The following SHC2 variants were observed in gnomAD, a reference collection of about 807,000 sequenced individuals.
SHC2 encodes SHC adaptor protein 2, also known as SHC-transforming protein 2.
Under a neutral mutation model 60.6 loss-of-function variants are expected in SHC2, and 62 were observed. The observed-to-expected ratio is 1.02, with a 90% CI of 0.83 to 1.26. SHC2 has a LOEUF of 1.26. SHC2 is among the 50% of genes most tolerant of loss of function. The pLI is 0.00. For synonymous variants in SHC2, 375 were observed against 372.4 expected, an observed-to-expected ratio of 1.01 and a Z score of -0.08; for missense variants, 873 against 822.2, an observed-to-expected ratio of 1.06 and a Z score of -0.76.
chr19:425,148 G>C lies in SHC2; in HGVS notation c.1258C>G (p.Leu420Val), dbSNP rs377321193. 1.4e-6 allele frequency: 2 copies of C among 1,387,382 alleles called. No individual in the cohort carries two copies. Among genetic ancestry groups the C allele is most frequent in the Non-Finnish European group, 1.9e-6 (2 of 1,062,570 alleles). The allele number at this position is 1,387,382 out of a possible 1,614,324, so 85.9% of individuals were successfully genotyped here. ...EEHLYVNTQG[L>V]DAPEPEDSPK... ...CTGTCCTCCGGCTCGGGGGCGTCCA[G>C]ACCCTGGGTGTTGACATACAGGTGC... is the stretch of plus-strand genomic sequence containing the variant. Residue 420 changes from leucine to valine, a missense_variant, in exon 10 of 13, where the codon CTG (leucine) becomes GTG (valine). By Grantham distance (32) the Leu-to-Val change is conservative (BLOSUM62 1). Coordinates refer to ENST00000264554, the MANE Select transcript of SHC2 (RefSeq NM_012435.3). This position sits in a 1 kb window ranked among gnomAD's most constrained non-coding sequence, Gnocchi z 4.1.
rs1250893540 is a variant in SHC2 at position 430,686 on chromosome 19, G to T, written c.1172C>A (p.Thr391Lys). Residue 391 changes from threonine (T) to lysine (K), a missense_variant and splice_region_variant, in exon 9 of 13, where the codon ACA becomes AAA. Transcript: ENST00000264554. Reference protein sequence around the residue: ...SLPWDVGSTGTAPPGDGYVQA... With the variant: ...SLPWDVGSTGKAPPGDGYVQA... ...CTTGCAGCCCCAGCCCATCCTACCT[G>T]TACCGGTGGACCCCACGTCCCATGG... The T allele has an allele frequency of 6.2e-7, 1 of 1,612,656 alleles. No homozygotes were observed. Among genetic ancestry groups the T allele is most frequent in the Non-Finnish European group, 8.5e-7 (1 of 1,179,694 alleles).
chr19:443,673 AATGG>A (rs1419503092), intron 1 of SHC2, among the ~76,000 whole-genome samples: 5 of 28,844 alleles, frequency 1.7e-4, no homozygotes, highest in African/African-American at 4.4e-4. Context: ...TGGGTGGATG[AATGG>A]ATGGATGGAT....
intron 11 of SHC2, among the ~76,000 whole-genome samples, chr19:420,642 A>T (rs1974246273): frequency 6.6e-6 from 1 of 152,244 alleles, no homozygotes; most frequent in Non-Finnish European, 1.5e-5. Flanking sequence ...GAGAGAGAAG[A>T]GAAAAACCTC....
At chr19:418,836 G>A (rs572239384) in intron 12 of SHC2, 87 bp downstream of exon 12, 75 of 1,444,536 alleles carry the variant, frequency 5.2e-5, no homozygotes, top group African/African-American at 4.3e-4. Flanking sequence ...GGAAAGGCAC[G>A]GCACGTGAAC....
chr19:421,170 G>T (rs925927930), intron 11 of SHC2, among the ~76,000 whole-genome samples: 15 of 152,146 alleles, frequency 9.9e-5, no homozygotes, highest in Admixed American at 3.3e-4. Context: ...AGGCCGAGGC[G>T]GGTGGATCAC....
chr19:442,162 A>C (rs554575199), intron 1 of SHC2, among the ~76,000 whole-genome samples: 1 of 152,322 alleles, frequency 6.6e-6, no homozygotes, highest in African/African-American at 2.4e-5. Context: ...GAATGGATGC[A>C]TGATGGGTGG....
intron 1 of SHC2, among the ~76,000 whole-genome samples, chr19:444,109 T>A (rs1974994737): frequency 6.6e-6 from 1 of 151,024 alleles, no homozygotes; most frequent in African/African-American, 2.4e-5. Flanking sequence ...GACAGGTGGA[T>A]GGTTGGATGG....
rs534265969 is a variant in SHC2, at chr19:425,308, C to G, written c.1175-77G>C. 3 of 1,188,452 alleles carry G rather than the reference C, an allele frequency of 2.5e-6. No individual in the cohort carries two copies. Among genetic ancestry groups the G allele is most frequent in the Non-Finnish European group, 3.2e-6 (3 of 933,624 alleles). The allele number at this position is 1,188,452 out of a possible 1,614,324, so 73.6% of individuals were successfully genotyped here. On this transcript the variant is annotated intron_variant, in intron 9 of 12. Transcript: ENST00000264554. The surrounding 1 kb of genome is among the most constrained non-coding windows in gnomAD (Gnocchi z 4.1). ...TCGCAGGGAGCAAGGCGGGGTCCCA[C>G]GAGGAGCTCCCCCGGCCACCACCTG...
intron 11 of SHC2, among the ~76,000 whole-genome samples, chr19:420,778 G>A (rs550156007): frequency 1.3e-5 from 2 of 152,348 alleles, no homozygotes; most frequent in East Asian, 1.9e-4. Context: ...TAGGCCGGGC[G>A]CGGTGGCTCA....
intron 5 of SHC2, 43 bp from the exon 6 acceptor site, chr19:436,474 AC>A: frequency 6.2e-7 from 1 of 1,601,180 alleles, no homozygotes; most frequent in Non-Finnish European, 8.5e-7. Flanking sequence ...TGGGCCCCCC[AC>A]CGGGATTCCC....
intron 9 of SHC2, among the ~76,000 whole-genome samples, chr19:426,907 T>TCCCTGGA (rs1374291954): frequency 6.6e-6 from 1 of 150,520 alleles, no homozygotes; most frequent in Non-Finnish European, 1.5e-5. Context: ...GGTGGAGGAA[T>TCCCTGGA]CCCTGGACCC....
chr19:441,853 C>A lies in SHC2; in HGVS notation c.469-921G>T, dbSNP rs988814027. Among the ~76,000 whole-genome samples, 1 of 152,256 alleles carries A rather than the reference C, an allele frequency of 6.6e-6. No homozygotes were observed. Among genetic ancestry groups the A allele is most frequent in the Non-Finnish European group, 1.5e-5 (1 of 68,052 alleles). ...CCTCAGTTTCTTTAAATGATCAACA[C>A]GCAAACACTTTGACCCTGCAGCTCC... On this transcript the variant is annotated intron_variant, in intron 1 of 12. Coordinates refer to ENST00000264554, the MANE Select transcript of SHC2 (RefSeq NM_012435.3). The surrounding 1 kb of genome is among the most constrained non-coding windows in gnomAD (Gnocchi z 4.9).
At position 424,127 on chromosome 19, in the gene SHC2, C is replaced by T. The variant is rs1227989427; in HGVS notation, c.1309+970G>A. Among the ~76,000 whole-genome samples the T allele has an allele frequency of 2.0e-5, 3 of 152,206 alleles. No homozygotes were observed. The East Asian group carries it at 5.8e-4, about 29-fold the overall frequency. On this transcript the variant is annotated intron_variant, in intron 10 of 12. Coordinates refer to ENST00000264554, the MANE Select transcript of SHC2 (RefSeq NM_012435.3). The surrounding 1 kb of genome is among the most constrained non-coding windows in gnomAD (Gnocchi z 4.5). The stretch of plus-strand genomic sequence containing the variant: ...CTCAGGCAAGGACCCTACCCGGCAG[C>T]TCAGAGCCAACACCTCTCCGTGCTG...
chr19:446,637 T>A lies in SHC2; in HGVS notation c.469-5705A>T, dbSNP rs1045070136. ...TTGTTTTAAGCCCCACAGTTTGTGG[T>A]GGTTTGTGGTGGCAGCCCCGGGACC... On this transcript the variant is annotated intron_variant, in intron 1 of 12. Coordinates refer to ENST00000264554, the MANE Select transcript of SHC2 (RefSeq NM_012435.3). This position sits in a 1 kb window ranked among gnomAD's most constrained non-coding sequence, Gnocchi z 5.4. Among the ~76,000 whole-genome samples, 1 of 152,076 alleles carries A rather than the reference T, an allele frequency of 6.6e-6. No homozygotes were observed. Among genetic ancestry groups the A allele is most frequent in the Non-Finnish European group, 1.5e-5 (1 of 68,004 alleles).
chr19:456,656 G>A (rs1006647813), intron 1 of SHC2, among the ~76,000 whole-genome samples: 3 of 146,282 alleles, frequency 2.1e-5, no homozygotes, highest in South Asian at 2.2e-4. Context: ...TTGCCGTGAC[G>A]CACACGCACC....
Position 425,236 on chromosome 19 carries a change from G to A in SHC2, c.1175-5C>T. The A allele has an allele frequency of 1.5e-6, 2 of 1,328,722 alleles. No homozygotes were observed. Among genetic ancestry groups the A allele is most frequent in the Non-Finnish European group, 1.9e-6 (2 of 1,030,426 alleles). The allele number at this position is 1,328,722 out of a possible 1,614,324, so 82.3% of individuals were successfully genotyped here. A position where few individuals can be genotyped will look rare whatever the true frequency, so the allele number is the denominator to read the frequency against. On this transcript the variant is annotated splice_region_variant and splice_polypyrimidine_tract_variant and intron_variant, in intron 9 of 12. Coordinates refer to ENST00000264554, the MANE Select transcript of SHC2 (RefSeq NM_012435.3). This position sits in a 1 kb window ranked among gnomAD's most constrained non-coding sequence, Gnocchi z 4.1. ...CGTAGCCGTCCCCCGGTGGAGCTGG[G>A]GAGTGTAAAGAGGGGCAGGGGGTCA...
chr19:440,914 C>G lies in SHC2; in HGVS notation c.487G>C (p.Val163Leu), dbSNP rs139357360. 1.9e-6 allele frequency: 3 copies of G among 1,612,802 alleles called. No homozygotes were observed. The highest frequency in any genetic ancestry group is 2.5e-6 in the Non-Finnish European group (3 of 1,179,710). The change falls in exon 2 of 13, where the codon GTT becomes CTT. Residue 163 changes from valine (V) to leucine (L), a missense_variant. Transcript: ENST00000264554. This position sits in a 1 kb window ranked among gnomAD's most constrained non-coding sequence, Gnocchi z 7.0. Reference sequence around the variant, plus strand: ...TCCAGGGAGCGCATAGAGCGGAGAACCTCGATGCAGCCCATGTACTGAGGG... The same window carrying G: ...TCCAGGGAGCGCATAGAGCGGAGAAGCTCGATGCAGCCCATGTACTGAGGG... The part of the protein sequence containing the change: ...YVVRYMGCIE[V>L]LRSMRSLDFN...
At chr19:451,526 C>G (rs950621698) in intron 1 of SHC2, among the ~76,000 whole-genome samples, 1 of 152,242 alleles carries the variant, frequency 6.6e-6, no homozygotes, top group Non-Finnish European at 1.5e-5. Flanking sequence ...AGTCCCTGCT[C>G]TCCATTTCTG....
Position 436,674 on chromosome 19 carries a change from T to A in SHC2, c.730A>T (p.Asn244Tyr). 14 of 1,606,270 alleles carry A rather than the reference T, an allele frequency of 8.7e-6. No homozygotes were observed. Among genetic ancestry groups the A allele is most frequent in the Non-Finnish European group, 1.1e-5 (13 of 1,179,288 alleles). The change falls in exon 5 of 13, where the codon AAC (asparagine) becomes TAC (tyrosine). Residue 244 changes from asparagine to tyrosine, a missense_variant. By Grantham distance (143) the Asn-to-Tyr change is moderately radical. Transcript: ENST00000264554. ...SVPATRQVIA[N>Y]HHMPSISFAS... ...AAGGAGATGGACGGCATGTGGTGGTTGGCGATGACCTGTGGCGGCAGGAGG... is the reference window on the plus strand; with the variant it reads ...AAGGAGATGGACGGCATGTGGTGGTAGGCGATGACCTGTGGCGGCAGGAGG...
Sources: gnomAD v4.1 joint callset for allele counts (sites outside exome capture counted in the v4.1 genomes callset) on GRCh38, gnomAD v4.1.1 for gene constraint, Gnocchi (gnomAD v3.1) non-coding constraint, MANE v1.5 for transcripts, NCBI Gene and HGNC (gene_info 2026-07-23, HGNC 2026-07-21) for gene names.